Variants in SHANK2 observed in about 807,000 individuals in gnomAD.
SHANK2 encodes SH3 and multiple ankyrin repeat domains protein 2.
In SHANK2, 43 loss-of-function variants were observed where a neutral mutation model predicts 133.7. The observed-to-expected ratio is 0.32, with a 90% CI of 0.25 to 0.41. The LOEUF (loss-of-function observed/expected upper bound fraction) is 0.41. Ranked by LOEUF, SHANK2 falls within the 10% of genes least tolerant of loss-of-function variation. The pLI is 1.00. For missense variants in SHANK2, 1,994 were observed against 2,235.8 expected (o/e 0.89, Z 2.18); for synonymous variants, 1,017 against 952.8 (o/e 1.07, Z -1.24).
At position 71,074,664 on chromosome 11, in the gene SHANK2, T is replaced by C. The variant is rs1025744742; in HGVS notation, c.1029+495A>G. Among the ~76,000 whole-genome samples, 95 of 152,298 alleles carry C rather than the reference T, an allele frequency of 6.2e-4. 1 individual carries two copies. The highest frequency in any genetic ancestry group is 2.0e-3 in the African/African-American group (83 of 41,558). ...AAGTTTCATCTTAGACTAAACTTTT[T>C]TGGTTTGGGTGAGGGCCACTAAGGG... is the stretch of plus-strand genomic sequence containing the variant. On this transcript the variant is annotated intron_variant, in intron 9 of 25. Transcript: ENST00000601538.
intron 15 of SHANK2, among the ~76,000 whole-genome samples, chr11:70,663,008 A>G (rs1944600742): frequency 6.6e-6 from 1 of 151,958 alleles, no homozygotes; most frequent in Non-Finnish European, 1.5e-5. Flanking sequence ...CGGGGAAGGG[A>G]GGGAGGCAGC....
At chr11:70,482,590 AGT>A (rs1555151999) in intron 25 of SHANK2, among the ~76,000 whole-genome samples, 23 of 152,166 alleles carry the variant, frequency 1.5e-4, no homozygotes. Flanking sequence ...TTGTTCACAC[AGT>A]GGGAAAAATT....
chr11:70,674,009 C>T (rs1313957398), intron 15 of SHANK2, among the ~76,000 whole-genome samples: 5 of 152,188 alleles, frequency 3.3e-5, no homozygotes, highest in Non-Finnish European at 7.3e-5. Context: ...GGAGTGGATT[C>T]CTCATGAATG....
At chr11:70,883,349 C>T (rs1949685610) in intron 11 of SHANK2, among the ~76,000 whole-genome samples, 1 of 152,164 alleles carries the variant, frequency 6.6e-6, no homozygotes. Flanking sequence ...TAATGCTGGC[C>T]TCAGCCTTCC....
intron 3 of SHANK2, among the ~76,000 whole-genome samples, chr11:71,130,286 CA>C (rs1222071184): frequency 1.3e-5 from 2 of 152,184 alleles, no homozygotes; most frequent in Admixed American, 1.3e-4. Flanking sequence ...GACACGTCCG[CA>C]CTGCTGAGTA....
chr11:70,836,260 C>G (rs1163416954), intron 11 of SHANK2, among the ~76,000 whole-genome samples: 1 of 152,234 alleles, frequency 6.6e-6, no homozygotes, highest in Non-Finnish European at 1.5e-5. Flanking sequence ...CGGCTCCACA[C>G]AGCTGCCACT....
chr11:70,720,352 G>A (rs1946049198), intron 14 of SHANK2, among the ~76,000 whole-genome samples: 1 of 152,202 alleles, frequency 6.6e-6, no homozygotes, highest in African/African-American at 2.4e-5. Flanking sequence ...ATGAGCCTGG[G>A]GTCTGGTGTC....
intron 25 of SHANK2, among the ~76,000 whole-genome samples, chr11:70,483,028 G>A (rs1299175645): frequency 6.6e-6 from 1 of 152,206 alleles, no homozygotes; most frequent in Non-Finnish European, 1.5e-5. Flanking sequence ...GGAGTGCTCA[G>A]GGGAGCACAG....
chr11:70,870,607 C>A (rs1481289506), intron 11 of SHANK2, among the ~76,000 whole-genome samples: 1 of 152,142 alleles, frequency 6.6e-6, no homozygotes, highest in Non-Finnish European at 1.5e-5. Context: ...GGGGTTCACA[C>A]TGGGGACTGC....
At chr11:71,170,937 G>A (rs61887411) in intron 2 of SHANK2, among the ~76,000 whole-genome samples, 15,780 of 152,244 alleles carry the variant, frequency 0.1, 1,048 homozygotes, top group Non-Finnish European at 0.14. Flanking sequence ...AGAATACCAC[G>A]GCTGCGGCTA....
chr11:70,852,648 G>T (rs1375021114), intron 11 of SHANK2, among the ~76,000 whole-genome samples: 1 of 152,234 alleles, frequency 6.6e-6, no homozygotes, highest in Non-Finnish European at 1.5e-5. Flanking sequence ...TTCGAGACCA[G>T]CCTGGCCAAC....
At chr11:70,824,544 G>A (rs899352160) in intron 11 of SHANK2, among the ~76,000 whole-genome samples, 4 of 152,156 alleles carry the variant, frequency 2.6e-5, no homozygotes, top group African/African-American at 7.2e-5. Context: ...GGCACTCTCC[G>A]TGGACATCTC....
intron 17 of SHANK2, chr11:70,647,529 G>A (rs1421391981): frequency 6.6e-6 from 1 of 152,238 alleles, no homozygotes; most frequent in African/African-American, 2.4e-5. Flanking sequence ...CTCATGCAGA[G>A]AAAGGAGCTG....
At chr11:71,202,999 G>A (rs1954048611) in intron 2 of SHANK2, among the ~76,000 whole-genome samples, 1 of 152,234 alleles carries the variant, frequency 6.6e-6, no homozygotes, top group Non-Finnish European at 1.5e-5. Flanking sequence ...AGCAAAATAA[G>A]AAGTAAATTG....
chr11:70,881,259 C>T (rs1462355748), intron 11 of SHANK2, among the ~76,000 whole-genome samples: 1 of 152,058 alleles, frequency 6.6e-6, no homozygotes, highest in Non-Finnish European at 1.5e-5. Context: ...CTCACCCAGG[C>T]TGGTCTTGAA....
At chr11:70,710,598 C>A (rs1261353944) in intron 14 of SHANK2, among the ~76,000 whole-genome samples, 1 of 152,212 alleles carries the variant, frequency 6.6e-6, no homozygotes, top group Non-Finnish European at 1.5e-5. Context: ...ATCTCATGAG[C>A]CCTTTGAAAG....
At chr11:70,818,588 C>T (rs781794907) in intron 12 of SHANK2, among the ~76,000 whole-genome samples, 1 of 152,130 alleles carries the variant, frequency 6.6e-6, no homozygotes, top group Non-Finnish European at 1.5e-5. Flanking sequence ...TTGGCTGCCT[C>T]GGGGGAGCCC....
In SHANK2 at chr11:70,500,440, G is replaced by A; in HGVS notation, c.2308+130C>T. ...GCTCCAGGGCGGCAGGGCTCCTCGGGCAGGACCCAGCAGGAGAAGCCAACA... is the reference window on the plus strand; with the variant it reads ...GCTCCAGGGCGGCAGGGCTCCTCGGACAGGACCCAGCAGGAGAAGCCAACA... On this transcript the variant is annotated intron_variant, in intron 21 of 25. Transcript: ENST00000601538. This position sits in a 1 kb window ranked among gnomAD's most constrained non-coding sequence, Gnocchi z 4.5. The A allele has an allele frequency of 7.7e-7, 1 of 1,294,962 alleles. No homozygotes were observed. 80.2% of individuals were successfully genotyped at this position (1,294,962 alleles called of 1,614,324 possible).
chr11:70,868,118 A>G (rs975632434), intron 11 of SHANK2, among the ~76,000 whole-genome samples: 5 of 152,242 alleles, frequency 3.3e-5, no homozygotes, highest in Non-Finnish European at 7.3e-5. Flanking sequence ...GCATAATTGA[A>G]GACACAAATA....
Sources: allele counts gnomAD v4.1 joint callset (sites outside exome capture counted in the v4.1 genomes callset), GRCh38; gene constraint gnomAD v4.1.1; non-coding constraint Gnocchi (gnomAD v3.1); transcripts MANE v1.5; gene names NCBI Gene and HGNC (gene_info 2026-07-23, HGNC 2026-07-21).